IRF7: variants seen among roughly 807,000 people sequenced by gnomAD.
The protein encoded by IRF7 is interferon regulatory factor 7.
In IRF7, 67 loss-of-function variants were observed where a neutral mutation model predicts 51.3. That is an observed-to-expected ratio of 1.31 (90% CI 1.07 to 1.60). The LOEUF (loss-of-function observed/expected upper bound fraction) is 1.60, where lower values mean the gene tolerates loss of function less well. Ranked by LOEUF, IRF7 falls within the 40% of genes most tolerant of loss-of-function variation. The pLI, the probability that IRF7 is intolerant of heterozygous loss-of-function variation, is 0.00. For synonymous variants in IRF7, 427 were observed against 301.3 expected (o/e 1.42, Z -4.32); for missense variants, 873 against 701.5 (o/e 1.24, Z -2.76).
At chr11:615,700 G>T (rs1421532368) in intron 1 of IRF7, 53 bp from the exon 2 acceptor site, 2 of 377,006 alleles carry the variant, frequency 5.3e-6, no homozygotes, top group Non-Finnish European at 9.5e-6. Context: ...CCGGGAAAGC[G>T]AAACCTAAAC....
rs555493535 is a variant in IRF7 at position 613,282 on chromosome 11, G to T, written c.1161C>A (p.Ala387=). 3 of 1,608,200 alleles carry T rather than the reference G, an allele frequency of 1.9e-6. No homozygotes were observed. The South Asian group carries it at 3.3e-5, about 18-fold the overall frequency. The part of the protein sequence containing the change: ...YWEVGGPPGS[A]SPSTPACLLP... ...GCAGGCAGGCTGGGGTGGAGGGGCT[G>T]GCGGAGCCTGGGGGTCCGCCCACCT... The change falls in exon 9 of 11, where the codon GCC becomes GCA. Residue 387 remains alanine, a synonymous_variant. Coordinates refer to ENST00000525445, the MANE Select transcript of IRF7 (RefSeq NM_001572.5).
At position 613,478 on chromosome 11, in the gene IRF7, C is replaced by T. The variant is rs780135940; in HGVS notation, c.965G>A (p.Arg322Gln). 1.1e-5 allele frequency: 17 copies of T among 1,542,430 alleles called. No individual in the cohort carries two copies. The highest frequency in any genetic ancestry group is 4.5e-5 in the East Asian group (2 of 44,312). ...TGCTACCTGCTGGGGGTCTGTGGCC[C>T]GGACAGCTGGGTCTGGGGGGCCGTA... ...FLYGPPDPAVRATDPQQVAFP... is the reference protein window; with the variant it reads ...FLYGPPDPAVQATDPQQVAFP... Residue 322 changes from arginine to glutamine, a missense_variant, in exon 9 of 11, where the codon CGG becomes CAG. Physicochemically the swap from Arg to Gln is conservative, Grantham distance 43. Coordinates refer to ENST00000525445, the MANE Select transcript of IRF7 (RefSeq NM_001572.5).
At position 615,207 on chromosome 11, in the gene IRF7, C is replaced by T. The variant is rs756244722; in HGVS notation, c.73G>A (p.Gly25Ser). 3.8e-6 allele frequency: 6 copies of T among 1,599,468 alleles called. No homozygotes were observed. Among genetic ancestry groups the T allele is most frequent in the East Asian group, 2.3e-5 (1 of 44,444 alleles). ...AGCCACTGCAGCCCCTCATAGCAGC[C>T]GCTGCTGATCTCTCCAAGGAGCCAC... ...GEWLLGEISS[G>S]CYEGLQWLDE... Residue 25 changes from glycine (G) to serine (S), a missense_variant, in exon 3 of 11, where the codon GGC becomes AGC. By Grantham distance (56) the Gly-to-Ser change is moderately conservative. Transcript: ENST00000525445.
At chr11:612,978 T>G (rs772688443) in intron 10 of IRF7, 21 bp downstream of exon 10, 1 of 1,609,856 alleles carries the variant, frequency 6.2e-7, no homozygotes, top group Non-Finnish European at 8.5e-7. Context: ...TGGCCTCCCC[T>G]CCTTGAGGCT....
In IRF7 at chr11:613,413, G is replaced by C; in HGVS notation, c.1030C>G (p.Arg344Gly). The change falls in exon 9 of 11, where the codon CGC becomes GGC. Residue 344 changes from arginine (R) to glycine (G), a missense_variant. Arg to Gly is a moderately radical substitution (Grantham distance 125). Transcript: ENST00000525445. ...TGCCGCAGCAGTTCCTCCGTGTAGC[G>C]CAGCTGCTTCTGGTCCGGGAGCTCG... ...PAELPDQKQL[R>G]YTEELLRHVA... The C allele has an allele frequency of 2.5e-6, 4 of 1,575,148 alleles. No individual in the cohort carries two copies. The highest frequency in any genetic ancestry group is 3.4e-6 in the Non-Finnish European group (4 of 1,161,336).
intron 6 of IRF7, 34 bp from the exon 7 acceptor site, chr11:614,071 C>G: frequency 6.3e-7 from 1 of 1,589,616 alleles, no homozygotes; most frequent in Non-Finnish European, 8.6e-7. Context: ...ACGGTGGTCC[C>G]CTCCTAATTC....
In IRF7 at chr11:614,926, C is replaced by A; in HGVS notation, c.265G>T (p.Ala89Ser). ...CAGCGGAAGTTGGTTTTCCAGCCGG[C>A]GCGCTCCGCAGTCTCAGCCTCGGGG... Reference protein sequence around the residue: ...PPPEAETAERAGWKTNFRCAL... With the variant: ...PPPEAETAERSGWKTNFRCAL... Residue 89 changes from alanine to serine, a missense_variant, in exon 4 of 11, where the codon GCC becomes TCC. Physicochemically the swap from Ala to Ser is moderately conservative, Grantham distance 99. Coordinates refer to ENST00000525445, the MANE Select transcript of IRF7 (RefSeq NM_001572.5). 6.3e-7 allele frequency: 1 copy of A among 1,582,950 alleles called. No homozygotes were observed. The highest frequency in any genetic ancestry group is 8.6e-7 in the Non-Finnish European group (1 of 1,167,452).
Position 615,111 on chromosome 11 carries a change from C to T in IRF7, c.169G>A (p.Ala57Thr). 1 of 1,593,880 alleles carries T rather than the reference C, an allele frequency of 6.3e-7. No individual in the cohort carries two copies. The highest frequency in any genetic ancestry group is 8.5e-7 in the Non-Finnish European group (1 of 1,175,626). Residue 57 changes from alanine to threonine, a missense_variant, in exon 3 of 11, where the codon GCG becomes ACG. Transcript: ENST00000525445. ...GGGGTCCCCACCTTGAAGATGCGCG[C>T]GTCGGCCTCGCTCAGGTCCTTGCGC... The part of the protein sequence containing the change: ...FARKDLSEAD[A>T]RIFKAWAVAR...
In IRF7 at chr11:614,476, C is replaced by T. The variant is rs1856698059; in HGVS notation, c.453G>A (p.Gln151=). Residue 151 remains glutamine, a splice_region_variant and synonymous_variant, in exon 5 of 11, where the codon CAG becomes CAA. Transcript: ENST00000525445. ...GAGAGGCAGGCAGAGAGAAGGGTAC[C>T]TGTGGTGGTGGGACAGCTGCGGGGG... ...AEAPAAVPPP[Q]GGPPGPFLAH... is the part of the protein sequence containing the mutation. 1.1e-5 allele frequency: 17 copies of T among 1,566,394 alleles called. No individual in the cohort carries two copies. Among genetic ancestry groups the T allele is most frequent in the East Asian group, 2.4e-5 (1 of 42,404 alleles).
At position 615,230 on chromosome 11, in the gene IRF7, C is replaced by A; in HGVS notation, c.50G>T (p.Trp17Leu). The change falls in exon 3 of 11, where the codon TGG becomes TTG. Residue 17 changes from tryptophan to leucine, a missense_variant. Trp to Leu is a moderately conservative substitution (Grantham distance 61). Transcript: ENST00000525445. ...RAAPRVLFGE[W>L]LLGEISSGCY... ...GCCGCTGCTGATCTCTCCAAGGAGC[C>A]ACTCTCCGAACAGCACGCGTGGGGC... The A allele has an allele frequency of 6.3e-7, 1 of 1,592,624 alleles. No individual in the cohort carries two copies. The highest frequency in any genetic ancestry group is 8.5e-7 in the Non-Finnish European group (1 of 1,173,930).
At position 613,499 on chromosome 11, in the gene IRF7, C is replaced by T. The variant is rs1382640772; in HGVS notation, c.944G>A (p.Gly315Asp). The change falls in exon 9 of 11, where the codon GGC becomes GAC. Residue 315 changes from glycine (G) to aspartate (D), a missense_variant. Coordinates refer to ENST00000525445, the MANE Select transcript of IRF7 (RefSeq NM_001572.5). ...VGHPSCTFLY[G>D]PPDPAVRATD... ...GGCCCGGACAGCTGGGTCTGGGGGG[C>T]CGTATAGGAACGTGCAGCTCGGGTG... 9.1e-6 allele frequency: 14 copies of T among 1,544,156 alleles called. No homozygotes were observed. The highest frequency in any genetic ancestry group is 3.5e-4 in the Middle Eastern group (2 of 5,720).
At position 615,244 on chromosome 11, in the gene IRF7, C is replaced by A; in HGVS notation, c.36G>T (p.Val12=). The A allele has an allele frequency of 6.3e-7, 1 of 1,585,792 alleles. No homozygotes were observed. ...CTCCAAGGAGCCACTCTCCGAACAG[C>A]ACGCGTGGGGCTGCCCTGCGGGTGC... ...ALAPERAAPR[V]LFGEWLLGEI... Residue 12 remains valine, a synonymous_variant, in exon 3 of 11, where the codon GTG becomes GTT. Coordinates refer to ENST00000525445, the MANE Select transcript of IRF7 (RefSeq NM_001572.5).
In IRF7 at chr11:614,831, C is replaced by T. The variant is rs756446014; in HGVS notation, c.360G>A (p.Lys120=). 9 of 1,556,984 alleles carry T rather than the reference C, an allele frequency of 5.8e-6. No individual in the cohort carries two copies. Among genetic ancestry groups the T allele is most frequent in the East Asian group, 2.4e-5 (1 of 41,266 alleles). Residue 120 remains lysine, a synonymous_variant, in exon 4 of 11, where the codon AAG becomes AAA. Coordinates refer to ENST00000525445, the MANE Select transcript of IRF7 (RefSeq NM_001572.5). ...ACAGCTCCCGGCTGAGCGCGTACACCTTGTGCGGGTCGGCCGGGTCCCCCG... is the reference window on the plus strand; with the variant it reads ...ACAGCTCCCGGCTGAGCGCGTACACTTTGTGCGGGTCGGCCGGGTCCCCCG... ...DNSGDPADPH[K]VYALSRELCW... is the part of the protein sequence containing the mutation.
Position 613,438 on chromosome 11 carries a change from G to A in IRF7, c.1005C>T (p.Ala335=), listed in dbSNP as rs1051713923. The A allele has an allele frequency of 1.3e-5, 21 of 1,557,874 alleles. No individual in the cohort carries two copies. The highest frequency in any genetic ancestry group is 1.2e-4 in the African/African-American group (9 of 73,252). The part of the protein sequence containing the change: ...DPQQVAFPSP[A]ELPDQKQLRY... ...GCAGCTGCTTCTGGTCCGGGAGCTC[G>A]GCAGGGCTGGGGAATGCTACCTGCT... The change falls in exon 9 of 11, where the codon GCC becomes GCT. Residue 335 remains alanine, a synonymous_variant. Transcript: ENST00000525445.
chr11:614,286 C>T lies in IRF7; in HGVS notation c.567G>A (p.Gln189=), dbSNP rs775432829. ...KGDLLLQAVQ[Q]SCLADHLLTA... ...TCAGCAGATGGTCTGCCAGGCAGCT[C>T]TGTTGCACTGCCTGGAGCAGGAGGT... is the stretch of plus-strand genomic sequence containing the variant. The change falls in exon 6 of 11, where the codon CAG becomes CAA. Residue 189 remains glutamine (Q), a synonymous_variant. Transcript: ENST00000525445. 4 of 1,612,290 alleles carry T rather than the reference C, an allele frequency of 2.5e-6. No homozygotes were observed. The highest frequency in any genetic ancestry group is 2.7e-5 in the African/African-American group (2 of 75,042).
In IRF7 at chr11:613,354, C is replaced by A. The variant is rs750526448; in HGVS notation, c.1089G>T (p.Gly363=). The part of the protein sequence containing the change: ...VAPGLHLELR[G]PQLWARRMGK... ...CCATGCGCCGGGCCCACAGCTGTGG[C>A]CCCCGAAGCTCCAGGTGCAACCCAG... The change falls in exon 9 of 11, where the codon GGG becomes GGT. Residue 363 remains glycine, a synonymous_variant. Coordinates refer to ENST00000525445, the MANE Select transcript of IRF7 (RefSeq NM_001572.5). 5 of 1,610,800 alleles carry A rather than the reference C, an allele frequency of 3.1e-6. No homozygotes were observed. In the East Asian group the frequency reaches 1.1e-4, roughly 36 times the overall value.
rs1295169574 is a variant in IRF7 at position 613,445 on chromosome 11, C to T, written c.998G>A (p.Ser333Asn). Residue 333 changes from serine to asparagine, a missense_variant, in exon 9 of 11, where the codon AGC becomes AAC. Physicochemically the swap from Ser to Asn is conservative, Grantham distance 46. Transcript: ENST00000525445. ...ATDPQQVAFP[S>N]PAELPDQKQL... ...CTTCTGGTCCGGGAGCTCGGCAGGGCTGGGGAATGCTACCTGCTGGGGGTC... is the reference window on the plus strand; with the variant it reads ...CTTCTGGTCCGGGAGCTCGGCAGGGTTGGGGAATGCTACCTGCTGGGGGTC... The T allele has an allele frequency of 4.8e-5, 75 of 1,553,968 alleles. No homozygotes were observed. The highest frequency in any genetic ancestry group is 6.2e-5 in the Non-Finnish European group (71 of 1,150,316).
chr11:612,881 C>T (rs1856516945), intron 10 of IRF7, 81 bp from the exon 11 acceptor site: 6 of 1,589,832 alleles, frequency 3.8e-6, no homozygotes, highest in East Asian at 2.2e-5. Flanking sequence ...GGGCGTCGGG[C>T]GTCTGTCAGT....
chr11:613,403 TC>T lies in IRF7; in HGVS notation c.1039del (p.Glu347ArgfsTer105). On this transcript the variant is annotated frameshift_variant, in exon 9 of 11. Transcript: ENST00000525445. LOFTEE classifies it high-confidence loss of function. Reference protein sequence around the residue: ...LPDQKQLRYTEELLRHVAPGL... With the variant: ...LPDQKQLRYTXELLRHVAPGL... ...AGGGGCCACGTGCCGCAGCAGTTCC[TC>T]CGTGTAGCGCAGCTGCTTCTGGTCC... The T allele has an allele frequency of 1.3e-6, 2 of 1,592,242 alleles. No homozygotes were observed. The highest frequency in any genetic ancestry group is 1.7e-6 in the Non-Finnish European group (2 of 1,171,358).
Sources: allele counts gnomAD v4.1 joint callset, GRCh38; gene constraint gnomAD v4.1.1; transcripts MANE v1.5; gene names NCBI Gene and HGNC (gene_info 2026-07-23, HGNC 2026-07-21).